VWA8: variants seen among roughly 807,000 people sequenced by gnomAD.
VWA8 encodes von Willebrand factor A domain containing 8, also known as von Willebrand factor A domain-containing protein 8.
Under a neutral mutation model 241.5 loss-of-function variants are expected in VWA8, and 221 were observed. That is an observed-to-expected ratio of 0.91 (90% CI 0.82 to 1.02). The LOEUF is 1.02. Ranked by LOEUF, VWA8 falls within the 50% of genes least tolerant of loss-of-function variation. The pLI, the probability that VWA8 is intolerant of heterozygous loss-of-function variation, is 0.00. For synonymous variants in VWA8, 852 were observed against 827.1 expected (o/e 1.03, Z -0.52); for missense variants, 2,322 against 2,328.7 (o/e 1.00, Z 0.06).
At chr13:41,877,356 T>A (rs1195237646) in intron 9 of VWA8, among the ~76,000 whole-genome samples, 3 of 152,014 alleles carry the variant, frequency 2.0e-5, no homozygotes, top group Admixed American at 6.6e-5. Context: ...CTACTTCAGG[T>A]CATTACTGCT....
chr13:41,941,044 A>C (rs1478586762), intron 2 of VWA8, among the ~76,000 whole-genome samples: 2 of 152,228 alleles, frequency 1.3e-5, no homozygotes, highest in African/African-American at 4.8e-5. Flanking sequence ...TAGAGGGTGA[A>C]TGAAAACTAT....
At chr13:41,856,364 TATTCACAAGAAGACTAGAA>T (rs1420675760) in intron 12 of VWA8, among the ~76,000 whole-genome samples, 3 of 151,938 alleles carry the variant, frequency 2.0e-5, no homozygotes, top group African/African-American at 7.3e-5. Flanking sequence ...CAAAACAAAA[TATTCACAAGAAGACTAGAA>T]AGGCAATAAC....
rs769886868 is a variant in VWA8 at position 41,570,504 on chromosome 13, G to A, written c.5573C>T (p.Ala1858Val). 11 of 1,614,156 alleles carry A rather than the reference G, an allele frequency of 6.8e-6. No individual in the cohort carries two copies. The highest frequency in any genetic ancestry group is 7.6e-6 in the Non-Finnish European group (9 of 1,180,014). ...ATCACCTAAAGAGCCAATAAAAATGGCAAAAGCATTTACTTGAGGGTCTCT... is the reference window on the plus strand; with the variant it reads ...ATCACCTAAAGAGCCAATAAAAATGACAAAAGCATTTACTTGAGGGTCTCT... ...LTRDPQVNAF[A>V]IFIGSLGDQA... The change falls in exon 44 of 45, where the codon GCC (alanine) becomes GTC (valine). Residue 1858 changes from alanine to valine, a missense_variant. Physicochemically the swap from Ala to Val is moderately conservative, Grantham distance 64. Transcript: ENST00000379310.
intron 4 of VWA8, among the ~76,000 whole-genome samples, chr13:41,900,620 C>T (rs1028120880): frequency 1.3e-5 from 2 of 152,116 alleles, no homozygotes; most frequent in Admixed American, 1.3e-4. Context: ...TCTTTGTCCT[C>T]ATTTACAAAA....
intron 37 of VWA8, among the ~76,000 whole-genome samples, chr13:41,623,530 C>T (rs2044670692): frequency 6.6e-6 from 1 of 152,172 alleles, no homozygotes. Flanking sequence ...CTGAGGATGT[C>T]CTACTTCTAA....
rs1454951225 is a variant in VWA8 at position 41,718,873 on chromosome 13, TTAAC to T, written c.3116+714_3116+717del. On this transcript the variant is annotated intron_variant, in intron 26 of 44. Coordinates refer to ENST00000379310, the MANE Select transcript of VWA8 (RefSeq NM_015058.2). Reference sequence around the variant, plus strand: ...ATTATTATCCCCTATGAATTTATAATTAACTATTTTTATAGACAAAGATGGTATT... The same window carrying T: ...ATTATTATCCCCTATGAATTTATAATTATTTTTATAGACAAAGATGGTATT... Among the ~76,000 whole-genome samples the T allele has an allele frequency of 3.9e-5, 6 of 151,990 alleles. 1 individual carries two copies. The highest frequency in any genetic ancestry group is 7.2e-5 in the African/African-American group (3 of 41,536).
chr13:41,595,249 C>A (rs960395726), intron 40 of VWA8, among the ~76,000 whole-genome samples: 2 of 152,104 alleles, frequency 1.3e-5, no homozygotes, highest in African/African-American at 4.8e-5. Flanking sequence ...TGATTATCTG[C>A]CCTTAAGGTA....
intron 2 of VWA8, among the ~76,000 whole-genome samples, chr13:41,938,156 C>T (rs943889950): frequency 7.6e-4 from 111 of 146,550 alleles, no homozygotes; most frequent in African/African-American, 2.6e-3. Context: ...GAGACTTGGT[C>T]TCTTTCAAAA....
chr13:41,819,459 C>G (rs1870852929), intron 14 of VWA8, 73 bp from the exon 15 acceptor site: 1 of 1,472,862 alleles, frequency 6.8e-7, no homozygotes, highest in African/African-American at 1.4e-5. Context: ...TAACTAAAGT[C>G]TAGGCAACGT....
At chr13:41,735,577 G>A (rs1384323208) in intron 21 of VWA8, among the ~76,000 whole-genome samples, 1 of 152,078 alleles carries the variant, frequency 6.6e-6, no homozygotes, top group East Asian at 1.9e-4. Flanking sequence ...ATGTGGTTTT[G>A]TTCTGCTCTT....
intron 17 of VWA8, among the ~76,000 whole-genome samples, chr13:41,799,912 G>C (rs375390147): frequency 6.6e-6 from 1 of 151,906 alleles, no homozygotes; most frequent in African/African-American, 2.4e-5. Context: ...AAGATCCCCC[G>C]TACCCACTAG....
intron 12 of VWA8, among the ~76,000 whole-genome samples, chr13:41,848,474 G>A (rs1246601492): frequency 6.6e-6 from 1 of 152,178 alleles, no homozygotes; most frequent in Non-Finnish European, 1.5e-5. Context: ...GAACCAGGTG[G>A]AGATGACTGG....
At chr13:41,851,832 T>G (rs1024744023) in intron 12 of VWA8, among the ~76,000 whole-genome samples, 19 of 152,220 alleles carry the variant, frequency 1.2e-4, no homozygotes, top group Non-Finnish European at 2.4e-4. Flanking sequence ...CTTTATTCAT[T>G]TGTCAATGAA....
intron 37 of VWA8, among the ~76,000 whole-genome samples, chr13:41,623,102 C>A (rs182641454): frequency 6.6e-6 from 1 of 152,068 alleles, no homozygotes. Context: ...GGAAGCCTTC[C>A]CAGGTAAAAG....
At chr13:41,908,837 C>A (rs1244745612) in intron 3 of VWA8, among the ~76,000 whole-genome samples, 1 of 152,060 alleles carries the variant, frequency 6.6e-6, no homozygotes, top group Admixed American at 6.6e-5. Context: ...TAAGTTTTTA[C>A]TAAACATGAG....
intron 2 of VWA8, among the ~76,000 whole-genome samples, chr13:41,947,603 T>C (rs1315794461): frequency 6.6e-6 from 1 of 152,150 alleles, no homozygotes; most frequent in East Asian, 1.9e-4. Context: ...TCCTCACACA[T>C]TGCTAGTTAG....
At chr13:41,853,011 T>C (rs1272248499) in intron 12 of VWA8, among the ~76,000 whole-genome samples, 1 of 152,188 alleles carries the variant, frequency 6.6e-6, no homozygotes, top group Non-Finnish European at 1.5e-5. Context: ...TAGAGATTGA[T>C]TGCATTGAAT....
chr13:41,707,894 A>C (rs1238522105), intron 26 of VWA8, among the ~76,000 whole-genome samples: 1 of 152,204 alleles, frequency 6.6e-6, no homozygotes, highest in Non-Finnish European at 1.5e-5. Context: ...CTTTCTGGGA[A>C]AAATGAATTC....
At chr13:41,804,136 A>G (rs961516795) in intron 17 of VWA8, among the ~76,000 whole-genome samples, 1 of 152,236 alleles carries the variant, frequency 6.6e-6, no homozygotes. Context: ...CAAAGGCATA[A>G]TAACAGAGAA....
Sources: gnomAD v4.1 joint callset for allele counts (sites outside exome capture counted in the v4.1 genomes callset) on GRCh38, gnomAD v4.1.1 for gene constraint, MANE v1.5 for transcripts, NCBI Gene and HGNC (gene_info 2026-07-23, HGNC 2026-07-21) for gene names.